NECAB2: variants seen among roughly 807,000 people sequenced by gnomAD.
NECAB2 encodes N-terminal EF-hand calcium-binding protein 2.
Under a neutral mutation model 51.9 loss-of-function variants are expected in NECAB2, and 68 were observed. The ratio of observed to expected loss-of-function variants is 1.31; its 90% CI spans 1.08 to 1.60. The LOEUF (loss-of-function observed/expected upper bound fraction) is 1.60. Among genes scored for constraint, NECAB2 ranks in the 40% most tolerant of loss-of-function variants. The pLI, the probability that NECAB2 is intolerant of heterozygous loss-of-function variation, is 0.00. For synonymous variants in NECAB2, 329 were observed against 203.5 expected (o/e 1.62, Z -5.25); for missense variants, 854 against 490.3 (o/e 1.74, Z -7.00).
intron 2 of NECAB2, among the ~76,000 whole-genome samples, chr16:83,974,421 C>G (rs1045640360): frequency 2.0e-5 from 3 of 152,178 alleles, no homozygotes; most frequent in Non-Finnish European, 4.4e-5. Flanking sequence ...GCTGCTCTGC[C>G]TCAAATGCCT....
intron 8 of NECAB2, among the ~76,000 whole-genome samples, chr16:83,996,306 A>T (rs898015637): frequency 5.9e-5 from 9 of 152,212 alleles, no homozygotes; most frequent in African/African-American, 2.2e-4. Context: ...AGGCGTGTTC[A>T]TGCTGTGTGC....
intron 8 of NECAB2, among the ~76,000 whole-genome samples, chr16:83,996,625 C>T (rs2084703257): frequency 6.6e-6 from 1 of 152,168 alleles, no homozygotes; most frequent in Non-Finnish European, 1.5e-5. Flanking sequence ...CAGACCCACG[C>T]TCTGACACTT....
Position 83,994,396 on chromosome 16 carries a change from G to C in NECAB2, c.691G>C (p.Glu231Gln), listed in dbSNP as rs1567675608. 6.2e-7 allele frequency: 1 copy of C among 1,614,068 alleles called. No homozygotes were observed. Among genetic ancestry groups the C allele is most frequent in the Admixed American group, 1.7e-5 (1 of 60,004 alleles). Reference sequence around the variant, plus strand: ...CCCCAACCACAAGCTCATGGCTATGGAACAAGGCAAGACCCTTCCATCTGG... The same window carrying C: ...CCCCAACCACAAGCTCATGGCTATGCAACAAGGCAAGACCCTTCCATCTGG... ...SAPNHKLMAM[E>Q]QGKTLPSATE... is the part of the protein sequence containing the mutation. The change falls in exon 7 of 13, where the codon GAA (glutamate) becomes CAA (glutamine). Residue 231 changes from glutamate (E) to glutamine (Q), a missense_variant. Coordinates refer to ENST00000305202, the MANE Select transcript of NECAB2 (RefSeq NM_019065.3).
Position 83,991,507 on chromosome 16 carries a change from C to G in NECAB2, c.596+877C>G, listed in dbSNP as rs1394710220. ...TCAGCCTCCCTAGTAGCTGGGATTA[C>G]AGATGCCCACCAGCACACCCAGCTA... On this transcript the variant is annotated intron_variant, in intron 6 of 12. Coordinates refer to ENST00000305202, the MANE Select transcript of NECAB2 (RefSeq NM_019065.3). 2.6e-5 allele frequency among the ~76,000 whole-genome samples: 4 copies of G among 151,466 alleles called. No homozygotes were observed. The East Asian group carries it at 7.8e-4, about 30-fold the overall frequency.
At chr16:83,969,390 C>T (rs2084324432) in intron 1 of NECAB2, among the ~76,000 whole-genome samples, 1 of 152,120 alleles carries the variant, frequency 6.6e-6, no homozygotes, top group South Asian at 2.1e-4. Flanking sequence ...AGCCCCCTCC[C>T]CACCTTCTGT....
chr16:84,001,797 C>T, intron 11 of NECAB2, 28 bp from the exon 12 acceptor site: 1 of 1,612,900 alleles, frequency 6.2e-7, no homozygotes. Flanking sequence ...CCTGCCACCC[C>T]TGACTCACAC....
chr16:83,997,344 A>G lies in NECAB2; in HGVS notation c.849+75A>G, dbSNP rs185006767. On this transcript the variant is annotated intron_variant, in intron 9 of 12. Coordinates refer to ENST00000305202, the MANE Select transcript of NECAB2 (RefSeq NM_019065.3). ...AGGACTGCCAAGATCCAAGTGGCTC[A>G]ATGCCCCTGACCCCGCTCTCCCTGC... 6,118 of 1,585,918 alleles carry G rather than the reference A, an allele frequency of 3.9e-3. 66 individuals are homozygous for G. In the Middle Eastern group the frequency reaches 0.045, roughly 12 times the overall value.
At chr16:83,988,662 G>C (rs1183127997) in intron 5 of NECAB2, among the ~76,000 whole-genome samples, 2 of 152,158 alleles carry the variant, frequency 1.3e-5, no homozygotes, top group African/African-American at 4.8e-5. Context: ...CTTAAGCATT[G>C]TTTGCAGAAA....
chr16:83,997,334 C>T lies in NECAB2; in HGVS notation c.849+65C>T, dbSNP rs1432182813. 33 of 1,600,910 alleles carry T rather than the reference C, an allele frequency of 2.1e-5. No individual in the cohort carries two copies. In the East Asian group the frequency reaches 2.7e-4, roughly 13 times the overall value. ...TACCCATGCCAGGACTGCCAAGATC[C>T]AAGTGGCTCAATGCCCCTGACCCCG... On this transcript the variant is annotated intron_variant, in intron 9 of 12. Coordinates refer to ENST00000305202, the MANE Select transcript of NECAB2 (RefSeq NM_019065.3).
chr16:83,980,875 G>T lies in NECAB2; in HGVS notation c.361+11G>T. 1 of 1,611,740 alleles carries T rather than the reference G, an allele frequency of 6.2e-7. No individual in the cohort carries two copies. Among genetic ancestry groups the T allele is most frequent in the South Asian group, 1.1e-5 (1 of 90,812 alleles). On this transcript the variant is annotated intron_variant, in intron 4 of 12. Transcript: ENST00000305202. Reference sequence around the variant, plus strand: ...CCAAGGAGCTGTGTGGTAGGTGCCTGGCTATGCTGGGACCAAGATGGGGAT... The same window carrying T: ...CCAAGGAGCTGTGTGGTAGGTGCCTTGCTATGCTGGGACCAAGATGGGGAT...
intron 6 of NECAB2, among the ~76,000 whole-genome samples, chr16:83,991,305 CTT>C (rs1491414780): frequency 4.0e-5 from 6 of 150,374 alleles, no homozygotes; most frequent in African/African-American, 7.5e-5. Context: ...CTCTCTCTCT[CTT>C]TCTTTCTCTC....
At chr16:83,981,185 C>T in intron 5 of NECAB2, 58 bp downstream of exon 5, 1 of 1,393,830 alleles carries the variant, frequency 7.2e-7, no homozygotes, top group Non-Finnish European at 1.0e-6. Flanking sequence ...TCAGTTCCAC[C>T]CTTGCCTAAG....
chr16:83,997,718 C>G lies in NECAB2; in HGVS notation c.849+449C>G, dbSNP rs188278399. ...CCATGTTGGTCAGGCTGGTCTCAAA[C>G]TCCTATCCTCATGATCTGCCCACCT... On this transcript the variant is annotated intron_variant, in intron 9 of 12. Coordinates refer to ENST00000305202, the MANE Select transcript of NECAB2 (RefSeq NM_019065.3). Among the ~76,000 whole-genome samples the G allele has an allele frequency of 9.2e-5, 14 of 152,038 alleles. No homozygotes were observed. The East Asian group carries it at 1.9e-3, about 21-fold the overall frequency.
chr16:83,998,736 A>G (rs2084758882), intron 10 of NECAB2, among the ~76,000 whole-genome samples: 1 of 152,156 alleles, frequency 6.6e-6, no homozygotes, highest in African/African-American at 2.4e-5. Context: ...TTGCTCAGTT[A>G]ACCACTGAGG....
intron 8 of NECAB2, among the ~76,000 whole-genome samples, chr16:83,995,567 ACC>A (rs2084686826): frequency 1.3e-5 from 2 of 152,210 alleles, no homozygotes; most frequent in African/African-American, 4.8e-5. Flanking sequence ...CACACAGCAC[ACC>A]CGTATACCCA....
intron 11 of NECAB2, among the ~76,000 whole-genome samples, chr16:84,001,485 G>A (rs974292440): frequency 2.0e-5 from 3 of 152,142 alleles, no homozygotes; most frequent in Non-Finnish European, 2.9e-5. Context: ...TAAAACGAGG[G>A]ACTAAAAGCC....
chr16:83,999,380 C>G (rs2084776199), intron 10 of NECAB2, among the ~76,000 whole-genome samples: 1 of 152,154 alleles, frequency 6.6e-6, no homozygotes, highest in Non-Finnish European at 1.5e-5. Flanking sequence ...TGAAGTAGGG[C>G]CACCCCGATG....
In NECAB2 at chr16:83,968,406, G is replaced by A. The variant is rs1446114984; in HGVS notation, c.-243G>A. 6.7e-6 allele frequency among the ~76,000 whole-genome samples: 1 copy of A among 149,172 alleles called. No individual in the cohort carries two copies. The highest frequency in any genetic ancestry group is 6.7e-5 in the Admixed American group (1 of 15,014). On this transcript the variant is annotated 5_prime_UTR_variant, in exon 1 of 13. Transcript: ENST00000305202. ...CTGCGCCCGCGCCCCTCGCCCCGGC[G>A]GGCAGTCCTCAGGCCCCGCGCCCGG... is the stretch of plus-strand genomic sequence containing the variant.
chr16:83,999,890 AGG>A, intron 10 of NECAB2, among the ~76,000 whole-genome samples: 1 of 137,786 alleles, frequency 7.3e-6, no homozygotes, highest in African/African-American at 3.5e-5. Context: ...TGATTTTTAA[AGG>A]TTTTTTGAGA....
Sources: gnomAD v4.1 joint callset for allele counts (sites outside exome capture counted in the v4.1 genomes callset) on GRCh38, gnomAD v4.1.1 for gene constraint, MANE v1.5 for transcripts, NCBI Gene and HGNC (gene_info 2026-07-23, HGNC 2026-07-21) for gene names.